The following SCHIP1 variants were observed in gnomAD, a reference collection of about 807,000 sequenced individuals.
The protein encoded by SCHIP1 is schwannomin interacting protein 1.
A neutral mutation model predicts 29.7 loss-of-function variants in SCHIP1; 8 were observed. The observed-to-expected ratio is 0.27, with a 90% CI of 0.16 to 0.49. The LOEUF (loss-of-function observed/expected upper bound fraction) is 0.49. Ranked by LOEUF, SCHIP1 falls within the 20% of genes least tolerant of loss-of-function variation. The pLI is 0.99. For missense variants in SCHIP1, 193 were observed against 294.6 expected (o/e 0.66, Z 2.52); for synonymous variants, 76 against 94.9 (o/e 0.80, Z 1.16).
the SCHIP1 span, among the ~76,000 whole-genome samples, chr3:159,396,572 A>T: frequency 2.0e-5 from 3 of 149,182 alleles, no homozygotes; most frequent in African/African-American, 7.4e-5. Flanking sequence ...TTTCTCCTTC[A>T]CTTATAAAGC....
At chr3:159,753,965 C>T in the SCHIP1 span, among the ~76,000 whole-genome samples, 1 of 152,186 alleles carries the variant, frequency 6.6e-6, no homozygotes, top group African/African-American at 2.4e-5. Flanking sequence ...CACATGCTCT[C>T]TTAGCATCAT....
chr3:159,358,920 CTTTTTT>C, the SCHIP1 span, among the ~76,000 whole-genome samples: 2 of 96,548 alleles, frequency 2.1e-5, no homozygotes, highest in Non-Finnish European at 3.9e-5. Flanking sequence ...TATTAGCATC[CTTTTTT>C]TTTTTTTTTT....
the SCHIP1 span, among the ~76,000 whole-genome samples, chr3:159,496,421 A>C: frequency 6.6e-6 from 1 of 152,212 alleles, no homozygotes; most frequent in African/African-American, 2.4e-5. Context: ...AAAAACAAAC[A>C]ACCCCATCAA....
chr3:159,670,684 G>C, the SCHIP1 span, among the ~76,000 whole-genome samples: 3 of 151,046 alleles, frequency 2.0e-5, no homozygotes, highest in East Asian at 5.8e-4. Context: ...AGTCATATTT[G>C]ATGGTATCTT....
chr3:159,480,449 A>G, the SCHIP1 span, among the ~76,000 whole-genome samples: 6 of 152,146 alleles, frequency 3.9e-5, no homozygotes, highest in Admixed American at 2.0e-4. Flanking sequence ...GTTGATGTCA[A>G]TTTGAATCAT....
the SCHIP1 span, among the ~76,000 whole-genome samples, chr3:159,771,764 C>T: frequency 6.6e-6 from 1 of 151,242 alleles, no homozygotes; most frequent in Admixed American, 6.6e-5. Context: ...GAAAATATAC[C>T]ATTAGTTCTG....
the SCHIP1 span, among the ~76,000 whole-genome samples, chr3:159,524,540 A>G: frequency 3.3e-5 from 5 of 152,198 alleles, no homozygotes; most frequent in Admixed American, 1.3e-4. Context: ...CAGTAGATCC[A>G]AAGACCTGCA....
the SCHIP1 span, among the ~76,000 whole-genome samples, chr3:159,689,095 C>T: frequency 6.6e-6 from 1 of 152,066 alleles, no homozygotes; most frequent in Non-Finnish European, 1.5e-5. Flanking sequence ...CTTTTTGGTT[C>T]CATATGAAAT....
chr3:159,589,943 G>A, the SCHIP1 span, among the ~76,000 whole-genome samples: 1 of 152,164 alleles, frequency 6.6e-6, no homozygotes, highest in African/African-American at 2.4e-5. Context: ...GAGCAAGTGA[G>A]AGAGTAGGGT....
At chr3:159,553,490 T>A in the SCHIP1 span, among the ~76,000 whole-genome samples, 4 of 152,216 alleles carry the variant, frequency 2.6e-5, no homozygotes, top group South Asian at 8.3e-4. Flanking sequence ...ATTAAGTTAC[T>A]CTAGAAGAAA....
chr3:159,553,057 C>T, the SCHIP1 span, among the ~76,000 whole-genome samples: 1 of 152,186 alleles, frequency 6.6e-6, no homozygotes, highest in Middle Eastern at 3.4e-3. Flanking sequence ...AAAGACGGTG[C>T]ATGGCTGACA....
chr3:159,408,737 G>A, the SCHIP1 span, among the ~76,000 whole-genome samples: 1 of 151,944 alleles, frequency 6.6e-6, no homozygotes, highest in Admixed American at 6.6e-5. Flanking sequence ...AATCCTACTC[G>A]AACTCTCCCA....
At chr3:159,295,600 A>G in the SCHIP1 span, among the ~76,000 whole-genome samples, 3 of 152,162 alleles carry the variant, frequency 2.0e-5, no homozygotes, top group East Asian at 1.9e-4. Flanking sequence ...ATATCCACCT[A>G]TAGAGTCCTT....
chr3:159,277,151 G>GA, the SCHIP1 span, among the ~76,000 whole-genome samples: 9 of 151,598 alleles, frequency 5.9e-5, no homozygotes, highest in East Asian at 1.9e-4. Flanking sequence ...ACAATGGCAG[G>GA]AAAAAAAAAC....
At chr3:159,302,925 G>A in the SCHIP1 span, among the ~76,000 whole-genome samples, 1 of 152,244 alleles carries the variant, frequency 6.6e-6, no homozygotes. Flanking sequence ...TTGTGGCTAG[G>A]AACACAAGTT....
the SCHIP1 span, among the ~76,000 whole-genome samples, chr3:159,498,216 G>C: frequency 6.6e-6 from 1 of 152,086 alleles, no homozygotes; most frequent in African/African-American, 2.4e-5. Flanking sequence ...ATTCTCACTT[G>C]CATTCTAAAA....
the SCHIP1 span, among the ~76,000 whole-genome samples, chr3:159,399,338 G>A: frequency 6.6e-6 from 1 of 151,958 alleles, no homozygotes; most frequent in Admixed American, 6.6e-5. Flanking sequence ...TATTGTATTA[G>A]ATCATGTGTT....
chr3:159,457,184 T>G, the SCHIP1 span, among the ~76,000 whole-genome samples: 1 of 152,178 alleles, frequency 6.6e-6, no homozygotes, highest in Non-Finnish European at 1.5e-5. Context: ...TGCCTATAAT[T>G]AGCTCCAACT....
intron 2 of SCHIP1, among the ~76,000 whole-genome samples, chr3:159,880,935 T>G (rs1716374465): frequency 6.6e-6 from 1 of 152,214 alleles, no homozygotes; most frequent in East Asian, 1.9e-4. Context: ...TTTTTTGTGT[T>G]TTTAAGTAGT....
Sources: gnomAD v4.1 joint callset for allele counts (sites outside exome capture counted in the v4.1 genomes callset) on GRCh38, gnomAD v4.1.1 for gene constraint, MANE v1.5 for transcripts, NCBI Gene and HGNC (gene_info 2026-07-23, HGNC 2026-07-21) for gene names.